The following DAPK1 variants were observed in gnomAD, a reference collection of about 807,000 sequenced individuals.
DAPK1 encodes the protein death associated protein kinase 1.
Under a neutral mutation model 144.9 loss-of-function variants are expected in DAPK1, and 56 were observed. That is an observed-to-expected ratio of 0.39 (90% confidence interval 0.31 to 0.48). The LOEUF (loss-of-function observed/expected upper bound fraction) is 0.48. DAPK1 is among the 20% of genes least tolerant of loss of function. The pLI is 0.95. For synonymous variants in DAPK1, 690 were observed against 749.0 expected, an observed-to-expected ratio of 0.92 and a Z score of 1.29; for missense variants, 1,454 against 1,875.4, an observed-to-expected ratio of 0.78 and a Z score of 4.15.
At chr9:87,646,398 C>T (rs1301983485) in intron 12 of DAPK1, 63 bp from the exon 13 acceptor site, 5 of 1,207,914 alleles carry the variant, frequency 4.1e-6, no homozygotes, top group South Asian at 3.7e-5. Flanking sequence ...CAGCAATCAT[C>T]GTTTGGGCTT....
At chr9:87,563,824 CCA>C (rs889830818) in intron 2 of DAPK1, among the ~76,000 whole-genome samples, 2 of 152,184 alleles carry the variant, frequency 1.3e-5, no homozygotes, top group African/African-American at 4.8e-5. Context: ...ATGTTGCAAC[CCA>C]CAGAGTTGTG....
At chr9:87,503,570 T>G (rs993696031) in intron 2 of DAPK1, among the ~76,000 whole-genome samples, 2 of 152,220 alleles carry the variant, frequency 1.3e-5, no homozygotes, top group Non-Finnish European at 2.9e-5. Context: ...TTTTTATTTC[T>G]AATGCCCAGG....
intron 2 of DAPK1, among the ~76,000 whole-genome samples, chr9:87,595,291 G>A (rs1431531071): frequency 6.6e-6 from 1 of 152,182 alleles, no homozygotes; most frequent in Admixed American, 6.5e-5. Flanking sequence ...GCACCCTGTT[G>A]TGACTCTGTT....
At chr9:87,705,240 A>T (rs535319081) in intron 25 of DAPK1, among the ~76,000 whole-genome samples, 21 of 128,684 alleles carry the variant, frequency 1.6e-4, no homozygotes, top group South Asian at 1.3e-3. Flanking sequence ...TAATTAATTA[A>T]TTTTTTTTTT....
At chr9:87,526,070 G>T (rs1825496573) in intron 2 of DAPK1, among the ~76,000 whole-genome samples, 1 of 151,370 alleles carries the variant, frequency 6.6e-6, no homozygotes, top group Admixed American at 6.6e-5. Context: ...CACTTTGGGA[G>T]ACTGAGGCAA....
chr9:87,520,593 G>A (rs1260455616), intron 2 of DAPK1, among the ~76,000 whole-genome samples: 4 of 152,332 alleles, frequency 2.6e-5, no homozygotes, highest in African/African-American at 9.6e-5. Flanking sequence ...GATGAATTAG[G>A]ATATCGGTAA....
chr9:87,578,149 ACT>A (rs1185705602), intron 2 of DAPK1, among the ~76,000 whole-genome samples: 1 of 151,690 alleles, frequency 6.6e-6, no homozygotes, highest in African/African-American at 2.4e-5. Context: ...AGAAAATAGG[ACT>A]CTCTAGTAAT....
At position 87,639,639 on chromosome 9, in the gene DAPK1, T is replaced by A; in HGVS notation, c.554-11T>A. On this transcript the variant is annotated splice_polypyrimidine_tract_variant and intron_variant, in intron 5 of 25. Transcript: ENST00000408954. ...TCCTCCCAAGCTAAATGAGTGTTTG[T>A]TTCCTCTTAGCTCCTGAGATAGTCA... The A allele has an allele frequency of 6.2e-7, 1 of 1,614,134 alleles. No homozygotes were observed. Among genetic ancestry groups the A allele is most frequent in the Non-Finnish European group, 8.5e-7 (1 of 1,179,992 alleles).
At chr9:87,552,661 A>G (rs1029276278) in intron 2 of DAPK1, among the ~76,000 whole-genome samples, 1 of 151,870 alleles carries the variant, frequency 6.6e-6, no homozygotes, top group Non-Finnish European at 1.5e-5. Context: ...GTACAATCAT[A>G]GCTCACTGCA....
intron 2 of DAPK1, among the ~76,000 whole-genome samples, chr9:87,592,812 G>A (rs894757188): frequency 7.9e-5 from 12 of 151,962 alleles, no homozygotes; most frequent in Admixed American, 1.3e-4. Flanking sequence ...TTTTATCTGA[G>A]TGGCTGTCAC....
At chr9:87,615,765 A>G (rs1247883834) in intron 3 of DAPK1, among the ~76,000 whole-genome samples, 1 of 152,222 alleles carries the variant, frequency 6.6e-6, no homozygotes, top group Non-Finnish European at 1.5e-5. Context: ...GTGCAACTCT[A>G]GGAGAGTGGT....
chr9:87,523,744 G>A (rs1229006085), intron 2 of DAPK1, among the ~76,000 whole-genome samples: 1 of 152,152 alleles, frequency 6.6e-6, no homozygotes, highest in Admixed American at 6.5e-5. Context: ...TTTTTCCAGA[G>A]CCCCTCAGTT....
At chr9:87,555,513 T>C (rs868385864) in intron 2 of DAPK1, among the ~76,000 whole-genome samples, 2 of 152,110 alleles carry the variant, frequency 1.3e-5, no homozygotes, top group Non-Finnish European at 2.9e-5. Flanking sequence ...GTTATTTTTT[T>C]TTTTTTTGAG....
chr9:87,510,638 CA>C (rs1399512973), intron 2 of DAPK1, among the ~76,000 whole-genome samples: 4 of 152,192 alleles, frequency 2.6e-5, no homozygotes, highest in African/African-American at 9.7e-5. Flanking sequence ...GGGTAGAGAA[CA>C]TGGCCTTTTG....
At chr9:87,643,132 G>A (rs1252128495) in intron 10 of DAPK1, among the ~76,000 whole-genome samples, 2 of 152,114 alleles carry the variant, frequency 1.3e-5, no homozygotes, top group African/African-American at 4.8e-5. Context: ...CATGGAAGGA[G>A]AATCTCTATA....
At chr9:87,696,857 T>C in intron 21 of DAPK1, 150 bp from the exon 22 acceptor site, 1 of 677,300 alleles carries the variant, frequency 1.5e-6, no homozygotes, top group South Asian at 1.7e-5. Flanking sequence ...GAACAAACCA[T>C]ACCCAAGTCA....
intron 3 of DAPK1, among the ~76,000 whole-genome samples, chr9:87,612,860 C>T (rs1228685471): frequency 6.6e-6 from 1 of 152,148 alleles, no homozygotes; most frequent in Non-Finnish European, 1.5e-5. Flanking sequence ...TGGCCTGCTT[C>T]AGGATGGTCA....
intron 19 of DAPK1, among the ~76,000 whole-genome samples, chr9:87,674,732 G>A (rs1366998949): frequency 6.6e-6 from 1 of 152,092 alleles, no homozygotes; most frequent in Non-Finnish European, 1.5e-5. Flanking sequence ...AGGCCACATC[G>A]CCTCTCAGTG....
Position 87,706,101 on chromosome 9 carries a change from C to T in DAPK1, c.3061-31C>T, listed in dbSNP as rs760032667. The stretch of plus-strand genomic sequence containing the variant: ...GGTGCACCTGGCCAGGGCTCTGTCC[C>T]TAAGCGTGACTTTCTGTTGTCCCCC... On this transcript the variant is annotated intron_variant, in intron 25 of 25. Transcript: ENST00000408954. The surrounding 1 kb of genome is among the most constrained non-coding windows in gnomAD (Gnocchi z 9.0). 1 of 1,549,860 alleles carries T rather than the reference C, an allele frequency of 6.5e-7. No individual in the cohort carries two copies. The highest frequency in any genetic ancestry group is 1.2e-5 in the South Asian group (1 of 82,280).
Sources: gnomAD v4.1 joint callset for allele counts (sites outside exome capture counted in the v4.1 genomes callset) on GRCh38, gnomAD v4.1.1 for gene constraint, Gnocchi (gnomAD v3.1) non-coding constraint, MANE v1.5 for transcripts, NCBI Gene and HGNC (gene_info 2026-07-23, HGNC 2026-07-21) for gene names.